Variants in COL18A1 observed in about 807,000 individuals in gnomAD.
The protein encoded by COL18A1 is collagen type XVIII alpha 1 chain.
COL18A1 carries 133 observed loss-of-function variants against 168.0 expected under a neutral mutation model. That is an observed-to-expected ratio of 0.79 (90% CI 0.69 to 0.91). COL18A1 has a LOEUF of 0.91. Ranked by LOEUF, COL18A1 falls within the 40% of genes least tolerant of loss-of-function variation. The pLI is 0.00. For synonymous variants in COL18A1, 949 were observed against 809.0 expected (o/e 1.17, Z -2.94); for missense variants, 2,126 against 1,925.4 (o/e 1.10, Z -1.95).
chr21:45,418,338 G>A (rs2033506960), intron 2 of COL18A1, among the ~76,000 whole-genome samples: 1 of 152,142 alleles, frequency 6.6e-6, no homozygotes, highest in South Asian at 2.1e-4. Flanking sequence ...GAGGGTCCCC[G>A]AGCTGGGGAG....
intron 2 of COL18A1, among the ~76,000 whole-genome samples, chr21:45,465,210 C>T (rs1166130950): frequency 2.6e-5 from 4 of 152,222 alleles, no homozygotes; most frequent in Non-Finnish European, 4.4e-5. Flanking sequence ...GGGTTCATCG[C>T]ACAGCCTCGC....
Position 45,498,326 on chromosome 21 carries a change from CCGCCAGGG to C in COL18A1, c.2683+666_2683+673del. ...CTCTCGCCGCCACGGTCCCCTCTCG[CCGCCAGGG>C]TCCCCTCTCACCGCCAGGGTTCCCT... On this transcript the variant is annotated intron_variant, in intron 32 of 41. Coordinates refer to ENST00000651438, the MANE Select transcript of COL18A1 (RefSeq NM_001379500.1). This position sits in a 1 kb window ranked among gnomAD's most constrained non-coding sequence, Gnocchi z 4.5. The C allele has an allele frequency of 1.5e-6, 1 of 655,538 alleles. No homozygotes were observed. Among genetic ancestry groups the C allele is most frequent in the East Asian group, 2.8e-5 (1 of 35,664 alleles). The allele number at this position is 655,538 out of a possible 1,614,324, so 40.6% of individuals were successfully genotyped here.
chr21:45,437,109 ACACTCACACACAGACACACAGG>A (rs2034128283), intron 2 of COL18A1, among the ~76,000 whole-genome samples: 1 of 102,292 alleles, frequency 9.8e-6, no homozygotes, highest in Non-Finnish European at 1.9e-5. Context: ...TCCTGCACAC[ACACTCACACACAGACACACAGG>A]CACTCTCCAC....
At chr21:45,434,210 T>C (rs1431224979) in intron 2 of COL18A1, among the ~76,000 whole-genome samples, 1 of 152,000 alleles carries the variant, frequency 6.6e-6, no homozygotes, top group Non-Finnish European at 1.5e-5. Context: ...GGGGTGGTGA[T>C]ATTCAAGCTC....
intron 2 of COL18A1, among the ~76,000 whole-genome samples, chr21:45,444,806 C>T (rs544946421): frequency 1.3e-5 from 2 of 152,164 alleles, no homozygotes; most frequent in South Asian, 2.1e-4. Flanking sequence ...TTGATATAGC[C>T]CCTCTAAAAA....
chr21:45,494,041 T>A, intron 26 of COL18A1: 1 of 253,636 alleles, frequency 3.9e-6, no homozygotes, highest in Non-Finnish European at 7.7e-6. Flanking sequence ...AGAAAAGCCC[T>A]CGGGGAGGGT....
chr21:45,434,022 G>A (rs1452359057), intron 2 of COL18A1, among the ~76,000 whole-genome samples: 11 of 152,318 alleles, frequency 7.2e-5, no homozygotes, highest in Admixed American at 5.9e-4. Context: ...TGTGTGTGCA[G>A]GTGCATGAGC....
chr21:45,428,342 C>T (rs368872069), intron 2 of COL18A1, among the ~76,000 whole-genome samples: 10 of 152,260 alleles, frequency 6.6e-5, no homozygotes, highest in South Asian at 4.1e-4. Flanking sequence ...ACCAGCCAGG[C>T]GTGGCCAAGG....
chr21:45,406,644 C>G (rs1462071044), intron 2 of COL18A1, among the ~76,000 whole-genome samples: 1 of 152,158 alleles, frequency 6.6e-6, no homozygotes, highest in Non-Finnish European at 1.5e-5. Context: ...GCAGAGCTGC[C>G]CTCTGAGCCG....
At position 45,477,898 on chromosome 21, in the gene COL18A1, TC is replaced by T. The variant is rs1438060081; in HGVS notation, c.1158del (p.Gly387AspfsTer45). ...LGPAGPALQTVPGPQGPPGPP... is the reference protein window; with the variant it reads ...LGPAGPALQTXPGPQGPPGPP... Reference sequence around the variant, plus strand: ...CCTGCAGGCCCAGCGTTGCAAACTGTCCCCGGACCACAAGGACCCCCAGGGC... The same window carrying T: ...CCTGCAGGCCCAGCGTTGCAAACTGTCCCGGACCACAAGGACCCCCAGGGC... On this transcript the variant is annotated frameshift_variant, in exon 8 of 42. Transcript: ENST00000651438. LOFTEE classifies it high-confidence loss of function. 1.3e-6 allele frequency: 2 copies of T among 1,564,564 alleles called. No homozygotes were observed. Among genetic ancestry groups the T allele is most frequent in the African/African-American group, 1.4e-5 (1 of 73,644 alleles).
At chr21:45,429,897 G>A (rs77297824) in intron 2 of COL18A1, among the ~76,000 whole-genome samples, 1 of 151,280 alleles carries the variant, frequency 6.6e-6, no homozygotes, top group Non-Finnish European at 1.5e-5. Flanking sequence ...CTGTGAAGCG[G>A]GGTCATGGTT....
At chr21:45,437,117 A>ACT (rs879335896) in intron 2 of COL18A1, among the ~76,000 whole-genome samples, 12,962 of 108,538 alleles carry the variant, frequency 0.12, 1,361 homozygotes, top group African/African-American at 0.21. Context: ...ACACACTCAC[A>ACT]CACAGACACA....
chr21:45,512,128 C>G (rs1261234957), intron 41 of COL18A1, 60 bp from the exon 42 acceptor site: 17 of 1,544,290 alleles, frequency 1.1e-5, no homozygotes, highest in Non-Finnish European at 1.5e-5. Context: ...GCCCGGGGAG[C>G]GGCCTCTGCC....
intron 2 of COL18A1, chr21:45,422,696 A>G: frequency 3.2e-6 from 1 of 312,990 alleles, no homozygotes; most frequent in South Asian, 2.4e-5. Context: ...GCCCCAGGTC[A>G]GGCCACTGGG....
rs1456012684 is a variant in COL18A1 at position 45,507,280 on chromosome 21, TGGGAGGGCCGGGTGCTGGGCA to T, written c.3217-272_3217-252del. 1.7e-5 allele frequency: 8 copies of T among 461,994 alleles called. No homozygotes were observed. In the African/African-American group the frequency reaches 1.8e-4, roughly 10 times the overall value. 28.6% of individuals were successfully genotyped at this position (461,994 alleles called of 1,614,324 possible). ...GCAGGGAGGGCAACCTGCTGTGGAC[TGGGAGGGCCGGGTGCTGGGCA>T]GGGAGGGCACCCTCCTGTGGGCTGG... On this transcript the variant is annotated intron_variant, in intron 37 of 41. Coordinates refer to ENST00000651438, the MANE Select transcript of COL18A1 (RefSeq NM_001379500.1).
intron 2 of COL18A1, among the ~76,000 whole-genome samples, chr21:45,406,942 C>G (rs1569271232): frequency 6.6e-6 from 1 of 152,266 alleles, no homozygotes; most frequent in Non-Finnish European, 1.5e-5. Flanking sequence ...GTGCGTTCCT[C>G]TTCTGTCCCG....
intron 2 of COL18A1, among the ~76,000 whole-genome samples, chr21:45,417,267 T>C (rs2033474879): frequency 6.6e-6 from 1 of 152,182 alleles, no homozygotes; most frequent in Non-Finnish European, 1.5e-5. Context: ...GTCAGGGCCT[T>C]GTGGGATTCT....
At chr21:45,446,717 C>T (rs2034512507) in intron 2 of COL18A1, among the ~76,000 whole-genome samples, 1 of 151,714 alleles carries the variant, frequency 6.6e-6, no homozygotes, top group Non-Finnish European at 1.5e-5. Context: ...AAATTGCAGA[C>T]TAGTTTATCT....
intron 38 of COL18A1, among the ~76,000 whole-genome samples, chr21:45,508,587 G>C (rs996225053): frequency 1.3e-5 from 2 of 152,118 alleles, no homozygotes; most frequent in Admixed American, 6.5e-5. Flanking sequence ...AGCTGCTGTC[G>C]GCCCCTCCTT....
Sources: gnomAD v4.1 joint callset for allele counts (sites outside exome capture counted in the v4.1 genomes callset) on GRCh38, gnomAD v4.1.1 for gene constraint, Gnocchi (gnomAD v3.1) non-coding constraint, MANE v1.5 for transcripts, NCBI Gene and HGNC (gene_info 2026-07-23, HGNC 2026-07-21) for gene names.